The following LAMTOR3 variants were observed in gnomAD, a reference collection of about 807,000 sequenced individuals.
LAMTOR3 encodes the protein late endosomal/lysosomal adaptor, MAPK and MTOR activator 3, also known as ragulator complex protein LAMTOR3.
In LAMTOR3, 14 loss-of-function variants were observed where a neutral mutation model predicts 20.3. The observed-to-expected ratio is 0.69, with a 90% CI of 0.46 to 1.08. The LOEUF (loss-of-function observed/expected upper bound fraction) is 1.08, where lower values mean the gene tolerates loss of function less well. Among genes scored for constraint, LAMTOR3 ranks in the 50% least tolerant of loss-of-function variants. The pLI, the probability that LAMTOR3 is intolerant of heterozygous loss-of-function variation, is 0.00. For missense variants in LAMTOR3, 125 were observed against 143.7 expected, an observed-to-expected ratio of 0.87 and a Z score of 0.67; for synonymous variants, 40 against 49.4, an observed-to-expected ratio of 0.81 and a Z score of 0.80.
At chr4:99,884,223 A>T in intron 5 of LAMTOR3, 98 bp from the exon 6 acceptor site, 1 of 874,232 alleles carries the variant, frequency 1.1e-6, no homozygotes, top group Non-Finnish European at 1.9e-6. Flanking sequence ...TAAAATCATC[A>T]ATGTTTTAGC....
At chr4:99,893,858 A>G in intron 2 of LAMTOR3, 97 bp downstream of exon 2, 1 of 1,014,620 alleles carries the variant, frequency 9.9e-7, no homozygotes, top group African/African-American at 1.7e-5. Context: ...GGAGGATCAA[A>G]ACAAATTTCT....
chr4:99,885,557 G>A lies in LAMTOR3; in HGVS notation c.222C>T (p.Tyr74=), dbSNP rs764756068. ...ATGAACTTACCTGGTAGGTGTTATA[G>A]TAACAGATGATACTTTTATTTTTGG... ...GLSKNKSIIC[Y]YNTYQVVQFN... The change falls in exon 5 of 7, where the codon TAC becomes TAT. Residue 74 remains tyrosine, a synonymous_variant. Coordinates refer to ENST00000499666, the MANE Select transcript of LAMTOR3 (RefSeq NM_021970.4). 2.5e-6 allele frequency: 4 copies of A among 1,611,696 alleles called. No individual in the cohort carries two copies. The South Asian group carries it at 4.4e-5, about 18-fold the overall frequency.
intron 4 of LAMTOR3, 136 bp downstream of exon 4, chr4:99,887,160 T>C: frequency 2.1e-6 from 1 of 482,218 alleles, no homozygotes; most frequent in Non-Finnish European, 3.7e-6. Flanking sequence ...AGCAAACACT[T>C]TCCCCAATAC....
chr4:99,880,760 A>T lies in LAMTOR3; in HGVS notation c.*1234T>A, dbSNP rs1724809511. 6.6e-6 allele frequency: 1 copy of T among 152,294 alleles called. No individual in the cohort carries two copies. The highest frequency in any genetic ancestry group is 1.5e-5 in the Non-Finnish European group (1 of 68,084). 9.4% of individuals were successfully genotyped at this position (152,294 alleles called of 1,614,324 possible). ...GTGCTTCTTAGAATTGTGCAATGTG[A>T]TAGCTCGGCTGACTGGCACACAGGT... On this transcript the variant is annotated 3_prime_UTR_variant, in exon 7 of 7. Coordinates refer to ENST00000499666, the MANE Select transcript of LAMTOR3 (RefSeq NM_021970.4).
chr4:99,886,925 T>C (rs959900013), intron 4 of LAMTOR3, among the ~76,000 whole-genome samples: 1 of 152,100 alleles, frequency 6.6e-6, no homozygotes, highest in South Asian at 2.1e-4. Context: ...GGTATGTATA[T>C]ATATACACAC....
intron 6 of LAMTOR3, among the ~76,000 whole-genome samples, chr4:99,883,414 T>C (rs948155477): frequency 2.0e-5 from 3 of 151,970 alleles, no homozygotes; most frequent in African/African-American, 7.2e-5. Context: ...TTATATAAAA[T>C]GAAGTAAAAA....
intron 2 of LAMTOR3, among the ~76,000 whole-genome samples, chr4:99,893,589 T>G (rs547278472): frequency 2.2e-4 from 34 of 152,280 alleles, no homozygotes; most frequent in African/African-American, 7.2e-4. Flanking sequence ...AAAAGTATTG[T>G]GGGTACATGT....
At position 99,881,968 on chromosome 4, in the gene LAMTOR3, A is replaced by C; in HGVS notation, c.*26T>G. The C allele has an allele frequency of 7.0e-7, 1 of 1,426,144 alleles. No homozygotes were observed. Among genetic ancestry groups the C allele is most frequent in the Non-Finnish European group, 9.9e-7 (1 of 1,012,852 alleles). 88.3% of individuals were successfully genotyped at this position (1,426,144 alleles called of 1,614,324 possible). On this transcript the variant is annotated 3_prime_UTR_variant, in exon 7 of 7. Coordinates refer to ENST00000499666, the MANE Select transcript of LAMTOR3 (RefSeq NM_021970.4). The stretch of plus-strand genomic sequence containing the variant: ...ATATTGTGTTGTTATAATGAAGATA[A>C]GGTACACACTGAAACCACTGTCAGA...
At chr4:99,884,448 T>C (rs1021108640) in intron 5 of LAMTOR3, among the ~76,000 whole-genome samples, 3 of 152,224 alleles carry the variant, frequency 2.0e-5, no homozygotes, top group Non-Finnish European at 4.4e-5. Flanking sequence ...GATAATTAAA[T>C]GGATAAATGC....
intron 3 of LAMTOR3, 109 bp from the exon 4 acceptor site, chr4:99,887,463 T>C (rs1008789609): frequency 3.5e-5 from 14 of 401,710 alleles, no homozygotes; most frequent in African/African-American, 1.3e-4. Context: ...AAAGACATAA[T>C]AATTCTCATG....
In LAMTOR3 at chr4:99,879,158, A is replaced by G. The variant is rs1364911091; in HGVS notation, c.*2836T>C. 6.6e-6 allele frequency: 1 copy of G among 152,170 alleles called. No individual in the cohort carries two copies. The highest frequency in any genetic ancestry group is 2.4e-5 in the African/African-American group (1 of 41,434). The allele number at this position is 152,170 out of a possible 1,614,324, so 9.4% of individuals were successfully genotyped here. ...CTTTTCCCATTGTGATCCCGTCTTT[A>G]TAACAATGTTTTAAGCCCTCACATG... is the stretch of plus-strand genomic sequence containing the variant. On this transcript the variant is annotated 3_prime_UTR_variant, in exon 7 of 7. Coordinates refer to ENST00000499666, the MANE Select transcript of LAMTOR3 (RefSeq NM_021970.4).
intron 6 of LAMTOR3, among the ~76,000 whole-genome samples, chr4:99,883,364 C>A (rs1724862756): frequency 6.6e-6 from 1 of 151,854 alleles, no homozygotes; most frequent in South Asian, 2.1e-4. Flanking sequence ...CAACAGCAAT[C>A]AAATCTAAAG....
At chr4:99,885,107 AAAT>A (rs1285630514) in intron 5 of LAMTOR3, among the ~76,000 whole-genome samples, 3 of 152,200 alleles carry the variant, frequency 2.0e-5, no homozygotes, top group Non-Finnish European at 4.4e-5. Context: ...TCTTTCCCAC[AAAT>A]AATAATCTCA....
At chr4:99,886,042 T>G (rs1335361288) in intron 4 of LAMTOR3, among the ~76,000 whole-genome samples, 1 of 152,236 alleles carries the variant, frequency 6.6e-6, no homozygotes, top group Non-Finnish European at 1.5e-5. Flanking sequence ...TCTGCTCTTA[T>G]AAAACCCACA....
intron 3 of LAMTOR3, 118 bp downstream of exon 3, chr4:99,891,882 T>G (rs1040968012): frequency 7.0e-7 from 1 of 1,431,562 alleles, no homozygotes; most frequent in Non-Finnish European, 9.2e-7. Context: ...GCAAAAAATA[T>G]TCATATTAAA....
intron 2 of LAMTOR3, 130 bp from the exon 3 acceptor site, chr4:99,892,164 C>A: frequency 7.2e-7 from 1 of 1,383,930 alleles, no homozygotes; most frequent in East Asian, 2.9e-5. Flanking sequence ...TTATCTTTCT[C>A]TGTCTGATTT....
intron 4 of LAMTOR3, among the ~76,000 whole-genome samples, chr4:99,885,957 C>G (rs967893495): frequency 6.6e-6 from 1 of 152,100 alleles, no homozygotes; most frequent in Admixed American, 6.5e-5. Flanking sequence ...TAACTTAAAA[C>G]AGATTAATCA....
At position 99,881,910 on chromosome 4, in the gene LAMTOR3, A is replaced by C; in HGVS notation, c.*84T>G. ...GGCCCTTTCTTGAGCACATGGATAA[A>C]AGTATTATTGTAGTCTAAAGATTGC... On this transcript the variant is annotated 3_prime_UTR_variant, in exon 7 of 7. Transcript: ENST00000499666. 1 of 945,262 alleles carries C rather than the reference A, an allele frequency of 1.1e-6. No homozygotes were observed. Among genetic ancestry groups the C allele is most frequent in the Non-Finnish European group, 1.7e-6 (1 of 598,666 alleles). The allele number at this position is 945,262 out of a possible 1,614,324, so 58.6% of individuals were successfully genotyped here.
At chr4:99,892,921 C>T (rs573883418) in intron 2 of LAMTOR3, among the ~76,000 whole-genome samples, 1 of 152,294 alleles carries the variant, frequency 6.6e-6, no homozygotes, top group Non-Finnish European at 1.5e-5. Flanking sequence ...CTCAGGTGAT[C>T]CACCCGCCTT....
Sources: gnomAD v4.1 joint callset for allele counts (sites outside exome capture counted in the v4.1 genomes callset) on GRCh38, gnomAD v4.1.1 for gene constraint, MANE v1.5 for transcripts, NCBI Gene and HGNC (gene_info 2026-07-23, HGNC 2026-07-21) for gene names.